The following CEP44 variants were observed in gnomAD, a reference collection of about 807,000 sequenced individuals.
The protein encoded by CEP44 is centrosomal protein 44.
In CEP44, 45 loss-of-function variants were observed where a neutral mutation model predicts 46.7. That is an observed-to-expected ratio of 0.96 (90% CI 0.76 to 1.24). The LOEUF (loss-of-function observed/expected upper bound fraction) is 1.24. Among genes scored for constraint, CEP44 ranks in the 50% most tolerant of loss-of-function variants. The pLI is 0.00. For missense variants in CEP44, 475 were observed against 459.7 expected (o/e 1.03, Z -0.30); for synonymous variants, 142 against 146.0 (o/e 0.97, Z 0.20).
chr4:174,303,019 C>T (rs1428537641), intron 4 of CEP44, among the ~76,000 whole-genome samples: 1 of 152,010 alleles, frequency 6.6e-6, no homozygotes, highest in Non-Finnish European at 1.5e-5. Context: ...TGACCTTGTG[C>T]TCTGCCCACC....
At chr4:174,284,352 C>T (rs1475994908) in intron 1 of CEP44, 2 of 294,108 alleles carry the variant, frequency 6.8e-6, no homozygotes, top group Non-Finnish European at 1.2e-5. Flanking sequence ...GTAGCTCATC[C>T]TATCAGAATT....
chr4:174,309,404 GC>G lies in CEP44; in HGVS notation c.679-445del, dbSNP rs1199601289. On this transcript the variant is annotated intron_variant, in intron 7 of 11. Transcript: ENST00000503780. This position sits in a 1 kb window ranked among gnomAD's most constrained non-coding sequence, Gnocchi z 5.3. ...ATCTCAGTATATCAATATACAGTTGGCACTTACAAAAACTACCAGATGGCCA... is the reference window on the plus strand; with the variant it reads ...ATCTCAGTATATCAATATACAGTTGGACTTACAAAAACTACCAGATGGCCA... Among the ~76,000 whole-genome samples, 1 of 151,818 alleles carries G rather than the reference GC, an allele frequency of 6.6e-6. No individual in the cohort carries two copies. The highest frequency in any genetic ancestry group is 1.5e-5 in the Non-Finnish European group (1 of 67,926).
In CEP44 at chr4:174,304,340, A is replaced by G. The variant is rs376845753; in HGVS notation, c.478A>G (p.Ile160Val). 4.3e-5 allele frequency: 70 copies of G among 1,612,104 alleles called. No homozygotes were observed. The highest frequency in any genetic ancestry group is 5.5e-5 in the Non-Finnish European group (65 of 1,179,402). Reference sequence around the variant, plus strand: ...ATCTGCAGAGGCTGTTGGCGTTGATATCAGTGGCAGGTTTATGACCTCAGG... The same window carrying G: ...ATCTGCAGAGGCTGTTGGCGTTGATGTCAGTGGCAGGTTTATGACCTCAGG... ...KISAEAVGVDISGRFMTSGKK... is the reference protein window; with the variant it reads ...KISAEAVGVDVSGRFMTSGKK... The change falls in exon 6 of 12, where the codon ATC becomes GTC. Residue 160 changes from isoleucine to valine, a missense_variant. Transcript: ENST00000503780.
rs1377502071 is a variant in CEP44 at position 174,311,995 on chromosome 4, C to T, written c.961+1137C>T. On this transcript the variant is annotated intron_variant, in intron 9 of 11. Coordinates refer to ENST00000503780, the MANE Select transcript of CEP44 (RefSeq NM_001040157.3). This position sits in a 1 kb window ranked among gnomAD's most constrained non-coding sequence, Gnocchi z 4.4. Reference sequence around the variant, plus strand: ...TTTATCCATTCATATATCTATTCAACAAATGTTAATGCTTGAGTATAAGAT... The same window carrying T: ...TTTATCCATTCATATATCTATTCAATAAATGTTAATGCTTGAGTATAAGAT... Among the ~76,000 whole-genome samples, 1 of 152,164 alleles carries T rather than the reference C, an allele frequency of 6.6e-6. No individual in the cohort carries two copies. Among genetic ancestry groups the T allele is most frequent in the African/African-American group, 2.4e-5 (1 of 41,452 alleles).
In CEP44 at chr4:174,287,636, A is replaced by G. The variant is rs1737714949; in HGVS notation, c.-148+3693A>G. On this transcript the variant is annotated intron_variant, in intron 1 of 11. Coordinates refer to ENST00000503780, the MANE Select transcript of CEP44 (RefSeq NM_001040157.3). The surrounding 1 kb of genome is among the most constrained non-coding windows in gnomAD (Gnocchi z 5.1). ...ATTCTCTTTTTCATCATTACTTGGT[A>G]AGTGGAATGTTTTGATTTTCCCTTC... Among the ~76,000 whole-genome samples the G allele has an allele frequency of 6.6e-6, 1 of 152,190 alleles. No homozygotes were observed. The highest frequency in any genetic ancestry group is 2.4e-5 in the African/African-American group (1 of 41,448).
At chr4:174,323,979 C>T (rs949183517), downstream of CEP44, among the ~76,000 whole-genome samples, 8 of 152,112 alleles carry the variant, frequency 5.3e-5, no homozygotes, top group African/African-American at 1.4e-4. Context: ...ATTGACTTTT[C>T]GCTATGTAGG....
chr4:174,324,640 G>A (rs1403580416), downstream of CEP44, among the ~76,000 whole-genome samples: 1 of 152,078 alleles, frequency 6.6e-6, no homozygotes, highest in Admixed American at 6.6e-5. Flanking sequence ...CTGGTAAACT[G>A]AGAAGGTTTC....
chr4:174,325,205 T>C (rs569308750), downstream of CEP44, among the ~76,000 whole-genome samples: 6 of 152,204 alleles, frequency 3.9e-5, no homozygotes, highest in Non-Finnish European at 8.8e-5. The surrounding 1 kb of genome is among the most constrained non-coding windows in gnomAD (Gnocchi z 4.4). Flanking sequence ...TTAGGTTGTT[T>C]GTCTTCCTGT....
In CEP44 at chr4:174,314,602, T is replaced by C. The variant is rs1326151449; in HGVS notation, c.962-1564T>C. 6.6e-6 allele frequency among the ~76,000 whole-genome samples: 1 copy of C among 152,126 alleles called. No homozygotes were observed. Among genetic ancestry groups the C allele is most frequent in the Non-Finnish European group, 1.5e-5 (1 of 68,036 alleles). ...GACAAAGAGAGCCATTCCTTCACCCTTTATCTGTCTTCCCGGACCTGTTTC... is the reference window on the plus strand; with the variant it reads ...GACAAAGAGAGCCATTCCTTCACCCCTTATCTGTCTTCCCGGACCTGTTTC... On this transcript the variant is annotated intron_variant, in intron 9 of 11. Coordinates refer to ENST00000503780, the MANE Select transcript of CEP44 (RefSeq NM_001040157.3). This position sits in a 1 kb window ranked among gnomAD's most constrained non-coding sequence, Gnocchi z 4.1.
intron 2 of CEP44, among the ~76,000 whole-genome samples, 178 bp downstream of exon 2, chr4:174,298,240 A>G (rs1579093546): frequency 8.6e-6 from 1 of 115,952 alleles, no homozygotes; most frequent in Non-Finnish European, 1.6e-5. Context: ...CAGTGGCGGG[A>G]TCTCGGCTCA....
chr4:174,319,051 C>T lies in CEP44; in HGVS notation c.*1668C>T, dbSNP rs1579163007. ...CTCAAACTCGTGAGCTAAAGCTACT[C>T]GCCCACCTGGATGTCCCAAAGTGCT... On this transcript the variant is annotated 3_prime_UTR_variant, in exon 12 of 12. Transcript: ENST00000503780. 6.1e-6 allele frequency: 4 copies of T among 661,024 alleles called. No homozygotes were observed. The highest frequency in any genetic ancestry group is 5.6e-6 in the Non-Finnish European group (3 of 534,504). 40.9% of individuals were successfully genotyped at this position (661,024 alleles called of 1,614,324 possible).
chr4:174,290,363 A>G lies in CEP44; in HGVS notation c.-148+6420A>G, dbSNP rs1312734771. Among the ~76,000 whole-genome samples the G allele has an allele frequency of 1.3e-5, 2 of 150,162 alleles. No homozygotes were observed. Among genetic ancestry groups the G allele is most frequent in the Non-Finnish European group, 3.0e-5 (2 of 67,380 alleles). On this transcript the variant is annotated intron_variant, in intron 1 of 11. Coordinates refer to ENST00000503780, the MANE Select transcript of CEP44 (RefSeq NM_001040157.3). This position sits in a 1 kb window ranked among gnomAD's most constrained non-coding sequence, Gnocchi z 4.3. ...TTGTGAATTTTTCCATTTTCTTTCTATTATTGATTTCTAGTTTCATTCCCT... is the reference window on the plus strand; with the variant it reads ...TTGTGAATTTTTCCATTTTCTTTCTGTTATTGATTTCTAGTTTCATTCCCT...
intron 6 of CEP44, among the ~76,000 whole-genome samples, chr4:174,305,701 C>A (rs116214542): frequency 6.6e-6 from 1 of 152,186 alleles, no homozygotes; most frequent in African/African-American, 2.4e-5. Flanking sequence ...ATCTTGTATT[C>A]TTCCCCAACT....
intron 8 of CEP44, among the ~76,000 whole-genome samples, chr4:174,330,488 C>CA (rs199858781): frequency 0.03 from 2,221 of 74,866 alleles, 41 homozygotes; most frequent in African/African-American, 0.082. Context: ...GACTTCGTCT[C>CA]AAAAAAAAAA....
At chr4:174,315,271 A>G (rs1349046508) in intron 9 of CEP44, among the ~76,000 whole-genome samples, 1 of 150,468 alleles carries the variant, frequency 6.6e-6, no homozygotes, top group African/African-American at 2.4e-5. Flanking sequence ...AGCCAAATGT[A>G]TTCTGACTGA....
At chr4:174,296,763 AT>A (rs202212472) in intron 1 of CEP44, among the ~76,000 whole-genome samples, 1,126 of 90,380 alleles carry the variant, frequency 0.012, 7 homozygotes, top group Middle Eastern at 0.025. Context: ...GTCCTTACTG[AT>A]TTTTTTTTTT....
chr4:174,314,556 A>C lies in CEP44; in HGVS notation c.962-1610A>C, dbSNP rs1376324241. ...TCTTGAATAAGGTTAGACACCGCAA[A>C]GTCTGGACCCCAAAATGGAAGACAA... On this transcript the variant is annotated intron_variant, in intron 9 of 11. Coordinates refer to ENST00000503780, the MANE Select transcript of CEP44 (RefSeq NM_001040157.3). This position sits in a 1 kb window ranked among gnomAD's most constrained non-coding sequence, Gnocchi z 4.1. Among the ~76,000 whole-genome samples, 1 of 152,150 alleles carries C rather than the reference A, an allele frequency of 6.6e-6. No homozygotes were observed. The highest frequency in any genetic ancestry group is 1.9e-4 in the East Asian group (1 of 5,190).
rs1330310875 is a variant in CEP44 at position 174,329,663 on chromosome 4, A to G, written c.1087-1819A>G. ...AGGGGAAAAGTTCAAAAGGTACTTC[A>G]TAACTTTTTTTTTTAGGTTTAGAGA... is the stretch of plus-strand genomic sequence containing the variant. On this transcript the variant is annotated intron_variant, in intron 8 of 8. Coordinates refer to the CEP44 transcript ENST00000426172. This position sits in a 1 kb window ranked among gnomAD's most constrained non-coding sequence, Gnocchi z 4.0. 2.0e-5 allele frequency among the ~76,000 whole-genome samples: 3 copies of G among 152,168 alleles called. No individual in the cohort carries two copies. Among genetic ancestry groups the G allele is most frequent in the Non-Finnish European group, 2.9e-5 (2 of 68,008 alleles).
chr4:174,319,133 T>G lies in CEP44; in HGVS notation c.*1750T>G. The G allele has an allele frequency of 1.0e-6, 1 of 984,814 alleles. No homozygotes were observed. Among genetic ancestry groups the G allele is most frequent in the Non-Finnish European group, 1.2e-6 (1 of 829,376 alleles). 61.0% of individuals were successfully genotyped at this position (984,814 alleles called of 1,614,324 possible). The stretch of plus-strand genomic sequence containing the variant: ...ACATTTTTAGTATTCTAATAAACAG[T>G]TGGTCATCAGAACTTTAAAATGGTA... On this transcript the variant is annotated 3_prime_UTR_variant, in exon 12 of 12. Coordinates refer to ENST00000503780, the MANE Select transcript of CEP44 (RefSeq NM_001040157.3).
Sources: gnomAD v4.1 joint callset for allele counts (sites outside exome capture counted in the v4.1 genomes callset) on GRCh38, gnomAD v4.1.1 for gene constraint, Gnocchi (gnomAD v3.1) non-coding constraint, MANE v1.5 for transcripts, NCBI Gene and HGNC (gene_info 2026-07-23, HGNC 2026-07-21) for gene names.